The following IPO11 variants were observed in gnomAD, a reference collection of about 807,000 sequenced individuals.
IPO11 encodes the protein importin-11.
In IPO11, 66 loss-of-function variants were observed where a neutral mutation model predicts 143.2. That is an observed-to-expected ratio of 0.46 (90% CI 0.38 to 0.57). IPO11 has a LOEUF of 0.57. Ranked by LOEUF, IPO11 falls within the 20% of genes least tolerant of loss-of-function variation. The pLI, the probability that IPO11 is intolerant of heterozygous loss-of-function variation, is 0.00. For missense variants in IPO11, 1,026 were observed against 1,141.0 expected (o/e 0.90, Z 1.45); for synonymous variants, 385 against 377.8 (o/e 1.02, Z -0.22).
chr5:62,579,721 A>C (rs750106580), intron 27 of IPO11: 1 of 1,548,448 alleles, frequency 6.5e-7, no homozygotes, highest in Non-Finnish European at 8.7e-7. Flanking sequence ...GGATAATTCT[A>C]ACATTCTGTA....
At chr5:62,462,688 G>A (rs185196535) in intron 5 of IPO11, among the ~76,000 whole-genome samples, 31 of 152,174 alleles carry the variant, frequency 2.0e-4, no homozygotes, top group Admixed American at 1.0e-3. Flanking sequence ...GAGCCACTAT[G>A]CCCGGCCACT....
chr5:62,449,890 A>G (rs1744849254), intron 3 of IPO11, 37 bp from the exon 4 acceptor site: 1 of 1,340,792 alleles, frequency 7.5e-7, no homozygotes, highest in Non-Finnish European at 1.0e-6. Context: ...ATTAGGTGGC[A>G]TTCTTTTGCA....
chr5:62,425,240 T>C (rs1743686117), intron 1 of IPO11, among the ~76,000 whole-genome samples: 1 of 152,178 alleles, frequency 6.6e-6, no homozygotes, highest in Admixed American at 6.5e-5. Flanking sequence ...CCTCCAACCC[T>C]CCTTGGGGGG....
In IPO11 at chr5:62,474,251, T is replaced by C. The variant is rs1745880976; in HGVS notation, c.709-165T>C. On this transcript the variant is annotated intron_variant, in intron 7 of 29. Transcript: ENST00000325324. Reference sequence around the variant, plus strand: ...TATAGTTATTTTCCTGTGGACGACTTGTTTATAATAGTGAACTGTTTTTTG... The same window carrying C: ...TATAGTTATTTTCCTGTGGACGACTCGTTTATAATAGTGAACTGTTTTTTG... Among the ~76,000 whole-genome samples, 2 of 152,216 alleles carry C rather than the reference T, an allele frequency of 1.3e-5. 1 individual carries two copies. The highest frequency in any genetic ancestry group is 1.3e-4 in the Admixed American group (2 of 15,274).
chr5:62,487,955 C>A, intron 13 of IPO11, 94 bp downstream of exon 13: 2 of 991,646 alleles, frequency 2.0e-6, no homozygotes, highest in Non-Finnish European at 2.9e-6. Flanking sequence ...GTACTGTTTC[C>A]TGGGTCATAT....
chr5:62,414,753 A>G (rs1407992105), intron 1 of IPO11, among the ~76,000 whole-genome samples: 1 of 152,226 alleles, frequency 6.6e-6, no homozygotes, highest in Admixed American at 6.6e-5. Flanking sequence ...AGTTATCTAG[A>G]TGAAAGGAAT....
intron 4 of IPO11, among the ~76,000 whole-genome samples, chr5:62,451,152 G>A (rs760259460): frequency 2.0e-4 from 31 of 152,064 alleles, no homozygotes; most frequent in Non-Finnish European, 2.8e-4. Flanking sequence ...AATATTTGGC[G>A]TTTCTTTCTA....
intron 6 of IPO11, among the ~76,000 whole-genome samples, chr5:62,468,804 T>C (rs1269593037): frequency 6.6e-6 from 1 of 152,184 alleles, no homozygotes; most frequent in Admixed American, 6.5e-5. Flanking sequence ...TTTAGAGATA[T>C]CCTGCCCTGG....
At chr5:62,520,439 A>G (rs1742165945) in intron 20 of IPO11, among the ~76,000 whole-genome samples, 1 of 151,844 alleles carries the variant, frequency 6.6e-6, no homozygotes, top group Non-Finnish European at 1.5e-5. Context: ...TTTGTTACAT[A>G]TGTATACGTG....
chr5:62,460,069 AT>A (rs1048218422), intron 5 of IPO11, among the ~76,000 whole-genome samples: 34 of 152,134 alleles, frequency 2.2e-4, no homozygotes, highest in Non-Finnish European at 3.2e-4. Flanking sequence ...GAATTTAAAT[AT>A]TTTTTTAACT....
intron 27 of IPO11, among the ~76,000 whole-genome samples, chr5:62,562,732 T>C (rs1743814427): frequency 6.6e-6 from 1 of 152,172 alleles, no homozygotes; most frequent in African/African-American, 2.4e-5. Context: ...TTAAGTCCAG[T>C]TTTAGAAGTC....
intron 29 of IPO11, among the ~76,000 whole-genome samples, chr5:62,611,488 A>G (rs149286746): frequency 1.3e-5 from 2 of 152,326 alleles, no homozygotes; most frequent in East Asian, 3.9e-4. Context: ...TGCCTTTGGA[A>G]CTAAATAAAG....
intron 1 of IPO11, among the ~76,000 whole-genome samples, chr5:62,428,238 G>A (rs868354021): frequency 1.3e-5 from 2 of 151,850 alleles, no homozygotes; most frequent in African/African-American, 2.4e-5. Flanking sequence ...TTATGTTACC[G>A]AGGCTGATCT....
chr5:62,476,987 CTAATAAATAT>C (rs1745982387), intron 9 of IPO11, among the ~76,000 whole-genome samples: 1 of 152,046 alleles, frequency 6.6e-6, no homozygotes, highest in Non-Finnish European at 1.5e-5. Context: ...AAAATAAATT[CTAATAAATAT>C]TAGAGTATTT....
intron 16 of IPO11, among the ~76,000 whole-genome samples, chr5:62,501,748 A>G (rs1288656970): frequency 6.6e-6 from 1 of 152,226 alleles, no homozygotes. Flanking sequence ...GAAAATGCTT[A>G]TTGAAAGAAT....
At chr5:62,597,868 G>T (rs1745286603) in intron 28 of IPO11, among the ~76,000 whole-genome samples, 2 of 152,114 alleles carry the variant, frequency 1.3e-5, no homozygotes, top group Non-Finnish European at 2.9e-5. Flanking sequence ...AATGACTGTA[G>T]GTAAGTGACT....
intron 19 of IPO11, among the ~76,000 whole-genome samples, chr5:62,506,625 G>T (rs974028469): frequency 6.6e-6 from 1 of 152,102 alleles, no homozygotes; most frequent in Non-Finnish European, 1.5e-5. Context: ...AGATCCAGCC[G>T]ATGTAAAATT....
chr5:62,560,323 AT>A (rs1743730176), intron 26 of IPO11, among the ~76,000 whole-genome samples: 1 of 152,114 alleles, frequency 6.6e-6, no homozygotes, highest in African/African-American at 2.4e-5. Context: ...GTAAGTCTGA[AT>A]TTTGCATAGC....
At chr5:62,580,394 C>T in intron 27 of IPO11, 3 of 1,550,252 alleles carry the variant, frequency 1.9e-6, no homozygotes, top group Non-Finnish European at 2.6e-6. Flanking sequence ...GATAATGATA[C>T]ATTTGAAAAT....
Sources: gnomAD v4.1 joint callset for allele counts (sites outside exome capture counted in the v4.1 genomes callset) on GRCh38, gnomAD v4.1.1 for gene constraint, MANE v1.5 for transcripts, NCBI Gene and HGNC (gene_info 2026-07-23, HGNC 2026-07-21) for gene names.